Variants in FIG4 observed in about 807,000 individuals in gnomAD.
FIG4 encodes the protein polyphosphoinositide phosphatase.
In FIG4, 112 loss-of-function variants were observed where a neutral mutation model predicts 118.6. The ratio of observed to expected loss-of-function variants is 0.94; its 90% CI spans 0.81 to 1.11. The LOEUF (loss-of-function observed/expected upper bound fraction) is 1.11. Among genes scored for constraint, FIG4 ranks in the 50% least tolerant of loss-of-function variants. The probability of loss-of-function intolerance (pLI) is 0.00; values close to 1 mark genes in which losing one functional copy is unlikely to be tolerated. For synonymous variants in FIG4, 369 were observed against 381.2 expected (o/e 0.97, Z 0.37); for missense variants, 969 against 1,111.7 (o/e 0.87, Z 1.83).
chr6:109,769,044 T>G (rs950157641), intron 15 of FIG4, among the ~76,000 whole-genome samples: 2 of 151,766 alleles, frequency 1.3e-5, no homozygotes, highest in Non-Finnish European at 1.5e-5. Context: ...TCTTTTGCCC[T>G]CTCCTGTGGT....
intron 1 of FIG4, 49 bp downstream of exon 1, chr6:109,691,550 C>A: frequency 6.8e-7 from 1 of 1,471,018 alleles, no homozygotes; most frequent in Non-Finnish European, 9.3e-7. Context: ...GGATGTCTGC[C>A]GGTGGGTGTG....
At chr6:109,810,797 A>G (rs1245254276) in intron 22 of FIG4, among the ~76,000 whole-genome samples, 1 of 152,210 alleles carries the variant, frequency 6.6e-6, no homozygotes, top group African/African-American at 2.4e-5. Context: ...GAAAACAGAA[A>G]AATACGTTCT....
At chr6:109,711,170 T>C (rs1166255711) in intron 1 of FIG4, among the ~76,000 whole-genome samples, 1 of 152,080 alleles carries the variant, frequency 6.6e-6, no homozygotes, top group African/African-American at 2.4e-5. Flanking sequence ...GAGGCTGAGA[T>C]GGGTGGATCA....
At chr6:109,792,138 C>T (rs1778153514) in intron 20 of FIG4, among the ~76,000 whole-genome samples, 1 of 152,212 alleles carries the variant, frequency 6.6e-6, no homozygotes, top group Non-Finnish European at 1.5e-5. Context: ...GACATATTGG[C>T]CAAATCCAGC....
At chr6:109,738,734 A>G (rs1051932499) in intron 7 of FIG4, among the ~76,000 whole-genome samples, 1 of 152,198 alleles carries the variant, frequency 6.6e-6, no homozygotes, top group Non-Finnish European at 1.5e-5. Flanking sequence ...AGAATTACTG[A>G]TAGTTGGAGA....
intron 18 of FIG4, among the ~76,000 whole-genome samples, chr6:109,788,191 A>T (rs541822327): frequency 1.5e-4 from 23 of 152,184 alleles, no homozygotes; most frequent in African/African-American, 5.1e-4. Context: ...TCAGGATGTA[A>T]CCCCCATTCT....
At position 109,716,524 on chromosome 6, in the gene FIG4, G is replaced by T; in HGVS notation, c.245G>T (p.Gly82Val). ...LGNRTKMGQK[G>V]SSGLFRAVSA... The stretch of plus-strand genomic sequence containing the variant: ...AATAGAACAAAGATGGGACAGAAAG[G>T]ATCCTCGGGCTTATTTCGAGCGGTT... The change falls in exon 3 of 23, where the codon GGA becomes GTA. Residue 82 changes from glycine (G) to valine (V), a missense_variant. Coordinates refer to ENST00000230124, the MANE Select transcript of FIG4 (RefSeq NM_014845.6). 2 of 1,613,986 alleles carry T rather than the reference G, an allele frequency of 1.2e-6. No individual in the cohort carries two copies. The highest frequency in any genetic ancestry group is 1.7e-6 in the Non-Finnish European group (2 of 1,179,892).
At chr6:109,804,000 G>A (rs895223897) in intron 22 of FIG4, among the ~76,000 whole-genome samples, 2 of 152,060 alleles carry the variant, frequency 1.3e-5, no homozygotes, top group African/African-American at 4.8e-5. Flanking sequence ...TTATTTATAT[G>A]TGGTTTAAAC....
intron 5 of FIG4, among the ~76,000 whole-genome samples, chr6:109,733,092 C>G (rs1427361025): frequency 6.6e-6 from 1 of 152,042 alleles, no homozygotes; most frequent in African/African-American, 2.4e-5. Flanking sequence ...AGAACTGTTG[C>G]AATACTGATG....
chr6:109,772,851 A>G (rs977996101), intron 15 of FIG4, among the ~76,000 whole-genome samples: 5 of 152,232 alleles, frequency 3.3e-5, no homozygotes, highest in African/African-American at 9.6e-5. Context: ...TCAGAAGTCT[A>G]TGGACACAGC....
intron 1 of FIG4, among the ~76,000 whole-genome samples, chr6:109,703,687 G>A (rs969837058): frequency 6.6e-6 from 1 of 152,072 alleles, no homozygotes; most frequent in African/African-American, 2.4e-5. Context: ...TGTGGATCTT[G>A]CCCCCTCTCT....
At chr6:109,801,400 T>C (rs919383842) in intron 22 of FIG4, among the ~76,000 whole-genome samples, 2 of 151,938 alleles carry the variant, frequency 1.3e-5, no homozygotes, top group African/African-American at 4.8e-5. Context: ...ATACAAAAAT[T>C]AGCCGGGCAA....
chr6:109,743,864 C>G, intron 10 of FIG4, 92 bp downstream of exon 10: 1 of 897,128 alleles, frequency 1.1e-6, no homozygotes, highest in Non-Finnish European at 1.9e-6. Flanking sequence ...CATGCTTTCC[C>G]TCTTCCTAGT....
At chr6:109,754,493 T>G (rs2128389568) in intron 10 of FIG4, among the ~76,000 whole-genome samples, 1 of 152,342 alleles carries the variant, frequency 6.6e-6, no homozygotes, top group Non-Finnish European at 1.5e-5. Context: ...TTCTATTGAT[T>G]GGAATAGTTT....
chr6:109,768,343 C>G (rs1235228753), intron 15 of FIG4, among the ~76,000 whole-genome samples: 2 of 152,104 alleles, frequency 1.3e-5, no homozygotes, highest in Non-Finnish European at 2.9e-5. Context: ...TCAGAAGCAT[C>G]TGGGAAAGCA....
intron 10 of FIG4, among the ~76,000 whole-genome samples, chr6:109,746,965 C>T (rs1306420453): frequency 6.6e-6 from 1 of 151,944 alleles, no homozygotes. Context: ...TCTCAGGTTT[C>T]TGGCTTACTC....
At chr6:109,757,958 A>G (rs1212997348) in intron 10 of FIG4, among the ~76,000 whole-genome samples, 1 of 150,976 alleles carries the variant, frequency 6.6e-6, no homozygotes, top group African/African-American at 2.4e-5. Flanking sequence ...GTGAAATAAG[A>G]GAGGGCACAA....
At chr6:109,730,061 T>C (rs1372983641) in intron 4 of FIG4, among the ~76,000 whole-genome samples, 1 of 152,082 alleles carries the variant, frequency 6.6e-6, no homozygotes, top group Admixed American at 6.6e-5. Flanking sequence ...AATTTTTTTT[T>C]TTCTTGAGAC....
At chr6:109,775,700 A>G (rs75958641) in intron 15 of FIG4, among the ~76,000 whole-genome samples, 6,388 of 152,006 alleles carry the variant, frequency 0.042, 173 homozygotes, top group South Asian at 0.089. Flanking sequence ...AAGTGCAAAG[A>G]AAGTCCCCAA....
Sources: allele counts gnomAD v4.1 joint callset (sites outside exome capture counted in the v4.1 genomes callset), GRCh38; gene constraint gnomAD v4.1.1; transcripts MANE v1.5; gene names NCBI Gene and HGNC (gene_info 2026-07-23, HGNC 2026-07-21).